SPAG16: variants seen among roughly 807,000 people sequenced by gnomAD.
The protein encoded by SPAG16 is sperm associated antigen 16.
SPAG16 carries 86 observed loss-of-function variants against 80.4 expected under a neutral mutation model. The observed-to-expected ratio is 1.07, with a 90% confidence interval of 0.90 to 1.28. SPAG16 has a LOEUF of 1.28. Among genes scored for constraint, SPAG16 ranks in the 50% most tolerant of loss-of-function variants. The probability of loss-of-function intolerance (pLI) is 0.00; values close to 1 mark genes in which losing one functional copy is unlikely to be tolerated. For missense variants in SPAG16, 870 were observed against 765.3 expected, an observed-to-expected ratio of 1.14 and a Z score of -1.61; for synonymous variants, 294 against 265.9, an observed-to-expected ratio of 1.11 and a Z score of -1.03.
intron 10 of SPAG16, among the ~76,000 whole-genome samples, chr2:213,726,119 C>T (rs13008788): frequency 0.24 from 37,076 of 152,102 alleles, 4,785 homozygotes; most frequent in Middle Eastern, 0.34. Flanking sequence ...ACTTCCTCTC[C>T]CTGCTGAAGT....
chr2:213,436,090 G>C (rs1325670279), intron 9 of SPAG16, among the ~76,000 whole-genome samples: 1 of 152,158 alleles, frequency 6.6e-6, no homozygotes, highest in Non-Finnish European at 1.5e-5. Flanking sequence ...GTAGCCAAAA[G>C]TACATTGGGC....
At chr2:213,574,824 C>T (rs934873835) in intron 10 of SPAG16, among the ~76,000 whole-genome samples, 1 of 151,614 alleles carries the variant, frequency 6.6e-6, no homozygotes, top group Non-Finnish European at 1.5e-5. Flanking sequence ...TATTTAACAG[C>T]TCTTTATAAA....
intron 15 of SPAG16, among the ~76,000 whole-genome samples, chr2:214,220,556 T>C (rs2058541096): frequency 6.6e-6 from 1 of 152,084 alleles, no homozygotes; most frequent in Non-Finnish European, 1.5e-5. Flanking sequence ...TCACGTCCAA[T>C]CATAATTAAA....
At chr2:214,353,238 C>CTGA (rs567789111) in intron 15 of SPAG16, among the ~76,000 whole-genome samples, 2 of 151,866 alleles carry the variant, frequency 1.3e-5, no homozygotes, top group South Asian at 4.2e-4. Flanking sequence ...AAAAATCAAG[C>CTGA]TGATTAATTC....
intron 10 of SPAG16, among the ~76,000 whole-genome samples, chr2:213,850,903 C>T (rs2074869473): frequency 6.6e-6 from 1 of 151,508 alleles, no homozygotes; most frequent in Non-Finnish European, 1.5e-5. Context: ...TTTTTTTTCT[C>T]ATAACATACC....
At chr2:213,904,710 A>G (rs1049297370) in intron 11 of SPAG16, among the ~76,000 whole-genome samples, 1 of 152,052 alleles carries the variant, frequency 6.6e-6, no homozygotes, top group African/African-American at 2.4e-5. Context: ...AAAGGTCTAA[A>G]TGAAGGGAAG....
At chr2:213,657,938 C>T (rs759434083) in intron 10 of SPAG16, among the ~76,000 whole-genome samples, 6 of 152,090 alleles carry the variant, frequency 3.9e-5, no homozygotes, top group Non-Finnish European at 7.4e-5. Context: ...TTTTCAAATG[C>T]AGTCTACTAT....
intron 15 of SPAG16, among the ~76,000 whole-genome samples, chr2:214,177,967 GTATGTATA>G (rs200746430): frequency 1.6e-4 from 3 of 18,182 alleles, no homozygotes; most frequent in Admixed American, 8.6e-4. Context: ...TTCACAAAGT[GTATGTATA>G]TATATATATA....
chr2:214,292,790 A>T (rs1448664909), intron 15 of SPAG16, among the ~76,000 whole-genome samples: 3 of 152,156 alleles, frequency 2.0e-5, no homozygotes, highest in African/African-American at 7.2e-5. Flanking sequence ...CAACTTTTTA[A>T]ACTTACTTTT....
intron 13 of SPAG16, among the ~76,000 whole-genome samples, chr2:214,057,829 C>G (rs2050026091): frequency 6.6e-6 from 1 of 152,220 alleles, no homozygotes; most frequent in Non-Finnish European, 1.5e-5. Context: ...TACATCAGCA[C>G]TGGCGCTTCA....
intron 14 of SPAG16, among the ~76,000 whole-genome samples, chr2:214,140,650 C>G (rs934329702): frequency 6.6e-6 from 1 of 151,422 alleles, no homozygotes; most frequent in Non-Finnish European, 1.5e-5. Context: ...TTAGTTATAC[C>G]TTGTGGCTAG....
intron 10 of SPAG16, among the ~76,000 whole-genome samples, chr2:213,798,666 A>T (rs940146921): frequency 3.3e-4 from 50 of 152,164 alleles, no homozygotes; most frequent in African/African-American, 1.1e-3. Context: ...GAGTGACCCA[A>T]GATTATGAAA....
chr2:213,869,142 A>G (rs2075827808), intron 11 of SPAG16, among the ~76,000 whole-genome samples: 1 of 150,412 alleles, frequency 6.6e-6, no homozygotes, highest in African/African-American at 2.4e-5. Flanking sequence ...AATCCCAGCT[A>G]CTCGGGAGGC....
chr2:213,300,029 T>C (rs1312591815), intron 3 of SPAG16, among the ~76,000 whole-genome samples: 4 of 152,202 alleles, frequency 2.6e-5, no homozygotes, highest in African/African-American at 2.4e-5. Context: ...TGCCATTTTT[T>C]TGGATAATTC....
chr2:213,860,883 TAG>T (rs1291550100), intron 10 of SPAG16, among the ~76,000 whole-genome samples: 3 of 152,192 alleles, frequency 2.0e-5, no homozygotes, highest in Non-Finnish European at 4.4e-5. Flanking sequence ...TCATACTCAG[TAG>T]CTTCAAGGAT....
rs536840438 is a variant in SPAG16 at position 213,925,205 on chromosome 2, T to C, written c.1215-4755T>C. Among the ~76,000 whole-genome samples the C allele has an allele frequency of 3.3e-5, 5 of 152,322 alleles. 1 individual carries two copies. The highest frequency in any genetic ancestry group is 3.3e-4 in the Admixed American group (5 of 15,302). On this transcript the variant is annotated intron_variant, in intron 11 of 15. Transcript: ENST00000331683. Reference sequence around the variant, plus strand: ...CATTTTATTTATCTACACAAATATTTCTATATACTTACATGTTTACCAAAT... The same window carrying C: ...CATTTTATTTATCTACACAAATATTCCTATATACTTACATGTTTACCAAAT...
At chr2:214,044,292 A>G (rs1476870241) in intron 13 of SPAG16, among the ~76,000 whole-genome samples, 1 of 152,208 alleles carries the variant, frequency 6.6e-6, no homozygotes, top group Non-Finnish European at 1.5e-5. Flanking sequence ...AATAATTTTG[A>G]GAAATGCTAT....
chr2:213,302,271 A>C (rs566182497), intron 3 of SPAG16, among the ~76,000 whole-genome samples: 8 of 152,280 alleles, frequency 5.3e-5, no homozygotes, highest in African/African-American at 1.9e-4. Context: ...TGTTAACCTC[A>C]TAATTAAGTT....
intron 1 of SPAG16, among the ~76,000 whole-genome samples, chr2:213,292,663 C>CAAA (rs1248465249): frequency 1.6e-4 from 12 of 76,382 alleles, no homozygotes; most frequent in African/African-American, 2.8e-4. Flanking sequence ...GACTCCGTCT[C>CAAA]AAAAAAAAAA....
Sources: allele counts gnomAD v4.1 joint callset (sites outside exome capture counted in the v4.1 genomes callset), GRCh38; gene constraint gnomAD v4.1.1; transcripts MANE v1.5; gene names NCBI Gene and HGNC (gene_info 2026-07-23, HGNC 2026-07-21).